MAP3K15: variants seen among roughly 807,000 people sequenced by gnomAD.
The protein encoded by MAP3K15 is MAPK/ERK kinase kinase 15.
A neutral mutation model predicts 99.5 loss-of-function variants in MAP3K15; 124 were observed. The observed-to-expected ratio is 1.25, with a 90% CI of 1.08 to 1.45. MAP3K15 has a LOEUF of 1.45. Ranked by LOEUF, MAP3K15 falls within the 40% of genes most tolerant of loss-of-function variation. The pLI, the probability that MAP3K15 is intolerant of heterozygous loss-of-function variation, is 0.00. For synonymous variants in MAP3K15, 494 were observed against 439.6 expected (o/e 1.12, Z -1.55); for missense variants, 1,242 against 1,079.7 (o/e 1.15, Z -2.11).
At position 19,373,686 on chromosome X, in the gene MAP3K15, C is replaced by T. The variant is rs369415318; in HGVS notation, c.2783G>A (p.Arg928His). 5.0e-5 allele frequency: 60 copies of T among 1,196,742 alleles called. No individual in the cohort carries two copies. The highest frequency in any genetic ancestry group is 6.4e-5 in the Non-Finnish European group (57 of 893,645). The change falls in exon 21 of 29, where the codon CGC becomes CAC. Residue 928 changes from arginine (R) to histidine (H), a missense_variant. Physicochemically the swap from Arg to His is conservative, Grantham distance 29 (BLOSUM62 0). Coordinates refer to ENST00000338883, the MANE Select transcript of MAP3K15 (RefSeq NM_001001671.4). ...TGTGGGCAGGGCCAGGACGACACCG[C>T]GGGGACCTTCTGTAGGGGGACAGCC... ...RIAFKPSEGP[R>H]GVVLALPTQG...
intron 6 of MAP3K15, among the ~76,000 whole-genome samples, chrX:19,443,050 T>TTTTTA (rs1341492232): frequency 1.2e-5 from 1 of 84,120 alleles, no homozygotes; most frequent in Non-Finnish European, 2.3e-5. Flanking sequence ...TTTTTTTTTT[T>TTTTTA]GAGATGGAGT....
intron 19 of MAP3K15, 71 bp downstream of exon 19, chrX:19,380,049 A>G (rs2063447397): frequency 8.6e-6 from 9 of 1,050,508 alleles, no homozygotes; most frequent in Non-Finnish European, 1.1e-5. Context: ...GGTTTTCTGG[A>G]TTGGGAGGAG....
intron 1 of MAP3K15, among the ~76,000 whole-genome samples, chrX:19,503,839 G>A (rs2064456791): frequency 9.1e-6 from 1 of 110,164 alleles, no homozygotes; most frequent in African/African-American, 3.3e-5. Context: ...TTTAGGCCAG[G>A]CATGGTGGGT....
At chrX:19,386,773 T>C (rs907741182) in intron 18 of MAP3K15, among the ~76,000 whole-genome samples, 19 of 111,505 alleles carry the variant, frequency 1.7e-4, no homozygotes, top group African/African-American at 5.2e-4. Context: ...AGGGACCTTC[T>C]AATCTGATCA....
rs1404102979 is a variant in MAP3K15, at chrX:19,426,345, T to G, written c.1167-2A>C. The G allele has an allele frequency of 1.9e-6, 2 of 1,031,212 alleles. No homozygotes were observed. The highest frequency in any genetic ancestry group is 6.6e-5 in the East Asian group (2 of 30,148). The allele number at this position is 1,031,212 out of a possible 1,213,427, so 85.0% of individuals were successfully genotyped here. A position where few individuals can be genotyped will look rare whatever the true frequency, so the allele number is the denominator to read the frequency against. On this transcript the variant is annotated splice_acceptor_variant, in intron 7 of 28. Transcript: ENST00000338883. LOFTEE classifies it high-confidence loss of function. ...TGGAGTTCAAACCCTTTGCGATACC[T>G]ATAATTACAGAACCACCAAAGTATT...
At chrX:19,494,539 A>C in intron 1 of MAP3K15, among the ~76,000 whole-genome samples, 1 of 111,865 alleles carries the variant, frequency 8.9e-6, no homozygotes, top group Non-Finnish European at 1.9e-5. Flanking sequence ...TTTTTGCTAA[A>C]TGTTTTATGG....
At chrX:19,394,966 G>A (rs2063557656) in intron 16 of MAP3K15, 115 bp downstream of exon 16, 1 of 896,269 alleles carries the variant, frequency 1.1e-6, no homozygotes, top group South Asian at 2.3e-5. Context: ...TGGGACTACA[G>A]GCGCCCTACA....
At chrX:19,400,466 G>A in intron 14 of MAP3K15, 110 bp downstream of exon 14, 1 of 491,015 alleles carries the variant, frequency 2.0e-6, no homozygotes, top group African/African-American at 2.4e-5. Context: ...ATGGCTGGCA[G>A]GTTCATAAAA....
chrX:19,396,992 G>A (rs1008388211), intron 15 of MAP3K15, among the ~76,000 whole-genome samples: 3 of 108,150 alleles, frequency 2.8e-5, no homozygotes, highest in Non-Finnish European at 3.8e-5. Flanking sequence ...CTCTGCCTCC[G>A]GGGTTCAAGC....
At chrX:19,475,802 G>A (rs764438133) in intron 3 of MAP3K15, among the ~76,000 whole-genome samples, 3 of 112,127 alleles carry the variant, frequency 2.7e-5, no homozygotes, top group Non-Finnish European at 5.6e-5. Flanking sequence ...ATGAAGCTAC[G>A]CAATACCTGT....
chrX:19,395,437 G>C (rs1487298031), intron 15 of MAP3K15, among the ~76,000 whole-genome samples: 1 of 112,220 alleles, frequency 8.9e-6, no homozygotes, highest in Non-Finnish European at 1.9e-5. Flanking sequence ...TAAGCACTTA[G>C]TGGAGTAGCT....
intron 18 of MAP3K15, among the ~76,000 whole-genome samples, chrX:19,388,949 C>G (rs925183406): frequency 6.2e-5 from 7 of 112,143 alleles, no homozygotes; most frequent in Non-Finnish European, 1.3e-4. Context: ...AATGGAATGC[C>G]ATTCAGCCAT....
At position 19,384,749 on chromosome X, in the gene MAP3K15, G is replaced by GAA. The variant is rs34619145; in HGVS notation, c.2432-4474_2432-4473dup. Among the ~76,000 whole-genome samples the GAA allele has an allele frequency of 6.9e-3, 154 of 22,462 alleles. 1 individual carries two copies. Among genetic ancestry groups the GAA allele is most frequent in the South Asian group, 0.012 (3 of 259 alleles). The allele number at this position is 22,462 out of a possible 115,157, so 19.5% of individuals were successfully genotyped here. A position where few individuals can be genotyped will look rare whatever the true frequency, so the allele number is the denominator to read the frequency against. ...ATGGGAGTGAGACCTTGTCTCAGGG[G>GAA]AAAAAAAAAAAAAAAAAAAAAAAAA... is the stretch of plus-strand genomic sequence containing the variant. On this transcript the variant is annotated intron_variant, in intron 18 of 28. Coordinates refer to ENST00000338883, the MANE Select transcript of MAP3K15 (RefSeq NM_001001671.4).
At chrX:19,476,114 T>G (rs985149009) in intron 3 of MAP3K15, among the ~76,000 whole-genome samples, 1 of 112,455 alleles carries the variant, frequency 8.9e-6, no homozygotes, top group Non-Finnish European at 1.9e-5. Context: ...ATGAGACTTG[T>G]GGCTTGGCCT....
At chrX:19,447,883 C>CAAAAAAAA (rs753152404) in intron 6 of MAP3K15, among the ~76,000 whole-genome samples, 13,710 of 25,780 alleles carry the variant, frequency 0.53, 4,939 homozygotes, top group East Asian at 0.91. Context: ...GACTCCGTCT[C>CAAAAAAAA]AAAAAAAAAA....
intron 14 of MAP3K15, among the ~76,000 whole-genome samples, chrX:19,399,752 A>AAAAAAC (rs2063595027): frequency 9.4e-6 from 1 of 106,214 alleles, no homozygotes; most frequent in African/African-American, 3.4e-5. Context: ...AAAAAAAAAA[A>AAAAAAC]AAAAAAAAAA....
At chrX:19,474,372 A>C (rs758068648) in intron 3 of MAP3K15, among the ~76,000 whole-genome samples, 14 of 110,910 alleles carry the variant, frequency 1.3e-4, no homozygotes, top group Non-Finnish European at 2.1e-4. Context: ...GTACTCATCT[A>C]TCTAAACCTC....
chrX:19,478,618 T>C (rs1171143884), intron 3 of MAP3K15, among the ~76,000 whole-genome samples: 1 of 110,815 alleles, frequency 9.0e-6, no homozygotes, highest in Non-Finnish European at 1.9e-5. Context: ...GAATTTCTAA[T>C]TTATTTGGAT....
At position 19,449,802 on chromosome X, in the gene MAP3K15, C is replaced by T. The variant is rs749816623; in HGVS notation, c.995+7111G>A. 4.6e-4 allele frequency among the ~76,000 whole-genome samples: 50 copies of T among 109,701 alleles called. 1 individual carries two copies. Among genetic ancestry groups the T allele is most frequent in the African/African-American group, 1.6e-3 (49 of 30,790 alleles). On this transcript the variant is annotated intron_variant, in intron 6 of 28. Coordinates refer to ENST00000338883, the MANE Select transcript of MAP3K15 (RefSeq NM_001001671.4). ...TAGAACGATGTTCTGGTGCTAAAAGCACTTCTATAAATTTCTCTTAAGAAT... is the reference window on the plus strand; with the variant it reads ...TAGAACGATGTTCTGGTGCTAAAAGTACTTCTATAAATTTCTCTTAAGAAT...
Sources: gnomAD v4.1 joint callset for allele counts (sites outside exome capture counted in the v4.1 genomes callset) on GRCh38, gnomAD v4.1.1 for gene constraint, MANE v1.5 for transcripts, NCBI Gene and HGNC (gene_info 2026-07-23, HGNC 2026-07-21) for gene names.